Variants in AGBL4 observed in about 807,000 individuals in gnomAD.
The protein encoded by AGBL4 is cytosolic carboxypeptidase 6.
AGBL4 carries 58 observed loss-of-function variants against 66.4 expected under a neutral mutation model. That is an observed-to-expected ratio of 0.87 (90% CI 0.71 to 1.09). The LOEUF (loss-of-function observed/expected upper bound fraction) is 1.09. Among genes scored for constraint, AGBL4 ranks in the 50% least tolerant of loss-of-function variants. The pLI is 0.00. For synonymous variants in AGBL4, 234 were observed against 222.9 expected (o/e 1.05, Z -0.44); for missense variants, 579 against 631.0 (o/e 0.92, Z 0.88).
At chr1:49,113,013 G>A (rs1055568776) in intron 4 of AGBL4, among the ~76,000 whole-genome samples, 22 of 150,888 alleles carry the variant, frequency 1.5e-4, no homozygotes, top group African/African-American at 2.2e-4. Context: ...GTGCAGTGGC[G>A]CAATCTCGGC....
chr1:48,889,264 C>T (rs1481160401), intron 5 of AGBL4, among the ~76,000 whole-genome samples: 1 of 152,176 alleles, frequency 6.6e-6, no homozygotes, highest in Non-Finnish European at 1.5e-5. Flanking sequence ...AGCCAGATGG[C>T]AGGTTTCGGA....
chr1:48,895,797 G>A (rs1358289777), intron 5 of AGBL4, among the ~76,000 whole-genome samples: 6 of 152,178 alleles, frequency 3.9e-5, no homozygotes, highest in Non-Finnish European at 7.3e-5. Context: ...TAATTTTACA[G>A]TTGGGGTGTG....
chr1:48,593,200 C>A (rs563334134), intron 9 of AGBL4, among the ~76,000 whole-genome samples: 2 of 152,148 alleles, frequency 1.3e-5, no homozygotes, highest in Admixed American at 6.6e-5. Context: ...CCTCTCACAC[C>A]CAAACCCCCT....
intron 3 of AGBL4, among the ~76,000 whole-genome samples, chr1:49,660,926 GAAC>G (rs992966909): frequency 1.3e-5 from 2 of 151,816 alleles, no homozygotes; most frequent in African/African-American, 2.4e-5. Flanking sequence ...AAAGGGAGGA[GAAC>G]AACACACACT....
chr1:49,362,813 C>T (rs779242106), intron 3 of AGBL4, among the ~76,000 whole-genome samples: 2 of 152,192 alleles, frequency 1.3e-5, no homozygotes, highest in Non-Finnish European at 2.9e-5. Context: ...GTCTCAATTG[C>T]ATATGGGCTC....
At chr1:49,829,336 G>A (rs1645595432) in intron 2 of AGBL4, among the ~76,000 whole-genome samples, 1 of 152,170 alleles carries the variant, frequency 6.6e-6, no homozygotes, top group Admixed American at 6.5e-5. Context: ...AGATAGGTCA[G>A]TCCGAGACAG....
chr1:49,377,587 A>G (rs992727818), intron 3 of AGBL4, among the ~76,000 whole-genome samples: 9 of 152,096 alleles, frequency 5.9e-5, no homozygotes, highest in Non-Finnish European at 8.8e-5. Flanking sequence ...CATGCAAGCT[A>G]GCAAAATAAC....
At chr1:48,827,995 T>TACACACACACACACACACAC (rs375257744) in intron 6 of AGBL4, among the ~76,000 whole-genome samples, 1 of 116,954 alleles carries the variant, frequency 8.6e-6, no homozygotes, top group African/African-American at 3.2e-5. Context: ...CTACTAAAAA[T>TACACACACACACACACACAC]ACACACACAC....
intron 5 of AGBL4, among the ~76,000 whole-genome samples, chr1:49,037,735 A>G (rs1664778868): frequency 6.6e-6 from 1 of 151,822 alleles, no homozygotes; most frequent in Non-Finnish European, 1.5e-5. Context: ...CTTTTTATTC[A>G]TTTTTACATC....
intron 6 of AGBL4, among the ~76,000 whole-genome samples, chr1:48,848,792 A>G (rs1646972966): frequency 6.6e-6 from 1 of 152,188 alleles, no homozygotes; most frequent in South Asian, 2.1e-4. Context: ...TGAAAAGGTC[A>G]GTTAGTTAGA....
At chr1:49,835,772 G>A (rs1483853271) in intron 2 of AGBL4, among the ~76,000 whole-genome samples, 1 of 152,146 alleles carries the variant, frequency 6.6e-6, no homozygotes, top group Non-Finnish European at 1.5e-5. Context: ...GCCTGGTGGT[G>A]ACAAAATCTC....
At chr1:49,457,895 C>G (rs1291197536) in intron 3 of AGBL4, among the ~76,000 whole-genome samples, 2 of 151,912 alleles carry the variant, frequency 1.3e-5, no homozygotes. Flanking sequence ...TTTCTGGCTT[C>G]TCTGTTCTGT....
chr1:48,797,626 C>G (rs183745300), intron 6 of AGBL4, among the ~76,000 whole-genome samples: 113 of 152,022 alleles, frequency 7.4e-4, no homozygotes, highest in Non-Finnish European at 1.6e-4. Flanking sequence ...GAGACGGAGT[C>G]TCACTATGTT....
intron 6 of AGBL4, among the ~76,000 whole-genome samples, chr1:48,863,243 ACATATAAC>A (rs1558048392): frequency 6.6e-6 from 1 of 152,148 alleles, no homozygotes; most frequent in Non-Finnish European, 1.5e-5. Context: ...GTACATACCC[ACATATAAC>A]CAGTTAAGGT....
At chr1:49,910,498 C>T (rs940241908) in intron 1 of AGBL4, among the ~76,000 whole-genome samples, 5 of 151,808 alleles carry the variant, frequency 3.3e-5, no homozygotes, top group Non-Finnish European at 5.9e-5. Context: ...GGAAGTTTTG[C>T]TGTAAAGGAG....
chr1:49,008,096 G>C (rs1382478673), intron 5 of AGBL4, among the ~76,000 whole-genome samples: 3 of 152,110 alleles, frequency 2.0e-5, no homozygotes, highest in East Asian at 1.9e-4. Context: ...TGGATAAAGA[G>C]TCAAGACCCA....
At chr1:48,919,115 G>A (rs569208222) in intron 5 of AGBL4, among the ~76,000 whole-genome samples, 1 of 152,270 alleles carries the variant, frequency 6.6e-6, no homozygotes, top group Admixed American at 6.5e-5. Context: ...TTTAAAATAG[G>A]AGCTTTATAT....
intron 1 of AGBL4, among the ~76,000 whole-genome samples, chr1:49,933,624 C>T (rs1422506813): frequency 3.3e-5 from 5 of 151,842 alleles, no homozygotes; most frequent in African/African-American, 9.7e-5. Context: ...AAAAAAGACG[C>T]AAATTATGAC....
intron 8 of AGBL4, among the ~76,000 whole-genome samples, chr1:48,638,994 T>C (rs1327931324): frequency 6.6e-6 from 1 of 152,172 alleles, no homozygotes; most frequent in Non-Finnish European, 1.5e-5. Flanking sequence ...AGAACTCAGG[T>C]GTCCCGTTCT....
Sources: gnomAD v4.1 joint callset for allele counts (sites outside exome capture counted in the v4.1 genomes callset) on GRCh38, gnomAD v4.1.1 for gene constraint, MANE v1.5 for transcripts, NCBI Gene and HGNC (gene_info 2026-07-23, HGNC 2026-07-21) for gene names.